Variants in KDM4B observed in about 807,000 individuals in gnomAD.
KDM4B encodes the protein lysine-specific demethylase 4B.
KDM4B carries 32 observed loss-of-function variants against 125.2 expected under a neutral mutation model. The ratio of observed to expected loss-of-function variants is 0.26; its 90% CI spans 0.19 to 0.34. The LOEUF is 0.34. Ranked by LOEUF, KDM4B falls within the 10% of genes least tolerant of loss-of-function variation. KDM4B has a pLI of 1.00. For synonymous variants in KDM4B, 721 were observed against 677.9 expected (o/e 1.06, Z -0.99); for missense variants, 1,190 against 1,577.7 (o/e 0.75, Z 4.16).
intron 1 of KDM4B, among the ~76,000 whole-genome samples, chr19:4,990,676 G>T (rs764813522): frequency 6.6e-6 from 1 of 152,164 alleles, no homozygotes; most frequent in Non-Finnish European, 1.5e-5. Context: ...AGTTCTGGTC[G>T]CCTCTCCGGC....
At chr19:4,980,021 C>T (rs2034580762) in intron 1 of KDM4B, among the ~76,000 whole-genome samples, 1 of 152,106 alleles carries the variant, frequency 6.6e-6, no homozygotes, top group Non-Finnish European at 1.5e-5. Flanking sequence ...ATGAGAATCG[C>T]TTGAACCCAG....
In KDM4B at chr19:5,001,665, A is replaced by ATTT. The variant is rs1568217932; in HGVS notation, c.-108-14591_-108-14590insTTT. ...TTGTTAGCTTTTATGCTAAACACCC[A>ATTT]TGTAAGTCCTGTTCCGCCAGCTGTG... On this transcript the variant is annotated intron_variant, in intron 1 of 22. Coordinates refer to ENST00000159111, the MANE Select transcript of KDM4B (RefSeq NM_015015.3). 7.6e-3 allele frequency among the ~76,000 whole-genome samples: 1,163 copies of ATTT among 152,264 alleles called. 12 individuals are homozygous for ATTT. Among genetic ancestry groups the ATTT allele is most frequent in the African/African-American group, 0.027 (1,118 of 41,558 alleles).
rs2034240150 is a variant in KDM4B at position 4,971,036 on chromosome 19, T to C, written c.-109+1806T>C. Among the ~76,000 whole-genome samples the C allele has an allele frequency of 6.6e-6, 1 of 152,138 alleles. No homozygotes were observed. The highest frequency in any genetic ancestry group is 6.5e-5 in the Admixed American group (1 of 15,270). ...ACGGGTGTCTGTGTACAGGCTGTTT[T>C]GGTGGAAGCGTCTACTGTGTCAGGA... On this transcript the variant is annotated intron_variant, in intron 1 of 22. Transcript: ENST00000159111. The surrounding 1 kb of genome is among the most constrained non-coding windows in gnomAD (Gnocchi z 4.1).
chr19:5,129,261 G>A (rs1265497404), intron 11 of KDM4B, among the ~76,000 whole-genome samples: 1 of 152,154 alleles, frequency 6.6e-6, no homozygotes, highest in Non-Finnish European at 1.5e-5. Flanking sequence ...GAGTGTGTGG[G>A]GCAGTGTGGC....
At chr19:5,032,488 C>G (rs73921831) in intron 2 of KDM4B, among the ~76,000 whole-genome samples, 6,419 of 152,310 alleles carry the variant, frequency 0.042, 463 homozygotes, top group African/African-American at 0.15. Flanking sequence ...GCCGCGGTCT[C>G]TCGTGCGGAT....
chr19:5,088,936 T>C (rs2038599218), intron 9 of KDM4B, among the ~76,000 whole-genome samples: 1 of 152,048 alleles, frequency 6.6e-6, no homozygotes, highest in Non-Finnish European at 1.5e-5. Context: ...GACACCCCGC[T>C]CAGTGAGAGA....
intron 9 of KDM4B, among the ~76,000 whole-genome samples, chr19:5,093,512 A>G (rs560905128): frequency 4.8e-4 from 73 of 152,312 alleles, no homozygotes; most frequent in African/African-American, 1.6e-3. Context: ...TAGGTTTCCT[A>G]ATGAACTGGT....
At chr19:5,108,491 G>A (rs1860893248) in intron 9 of KDM4B, among the ~76,000 whole-genome samples, 2 of 152,168 alleles carry the variant, frequency 1.3e-5, no homozygotes, top group South Asian at 4.1e-4. Flanking sequence ...AAGGTGGGGG[G>A]AGGCACGAGC....
At position 5,085,633 on chromosome 19, in the gene KDM4B, A is replaced by C. The variant is rs554202227; in HGVS notation, c.918+3129A>C. On this transcript the variant is annotated intron_variant, in intron 9 of 22. Transcript: ENST00000159111. Reference sequence around the variant, plus strand: ...GCGCTCGAAACACACCAGGGGTTCCAGGCAGGCGCCCAGGGCCTGGGCTTC... The same window carrying C: ...GCGCTCGAAACACACCAGGGGTTCCCGGCAGGCGCCCAGGGCCTGGGCTTC... Among the ~76,000 whole-genome samples the C allele has an allele frequency of 7.9e-5, 12 of 152,358 alleles. 1 individual carries two copies. Among genetic ancestry groups the C allele is most frequent in the Admixed American group, 2.0e-4 (3 of 15,302 alleles).
At chr19:5,038,163 C>T (rs140310128) in intron 3 of KDM4B, among the ~76,000 whole-genome samples, 90 of 152,352 alleles carry the variant, frequency 5.9e-4, no homozygotes, top group East Asian at 3.1e-3. Context: ...GTGGGTGGCC[C>T]GGTCGACTCC....
At chr19:5,102,070 A>T (rs914398604) in intron 9 of KDM4B, among the ~76,000 whole-genome samples, 5 of 151,688 alleles carry the variant, frequency 3.3e-5, no homozygotes, top group African/African-American at 1.2e-4. Context: ...GAGCACCCCC[A>T]CCCTTGTTTC....
chr19:5,021,951 G>C (rs1225641272), intron 2 of KDM4B, among the ~76,000 whole-genome samples: 1 of 152,112 alleles, frequency 6.6e-6, no homozygotes, highest in Non-Finnish European at 1.5e-5. Context: ...TAATTTAAGA[G>C]ACTTGGCACG....
intron 1 of KDM4B, among the ~76,000 whole-genome samples, chr19:4,978,029 G>T (rs1052939817): frequency 6.6e-6 from 1 of 152,210 alleles, no homozygotes; most frequent in African/African-American, 2.4e-5. Flanking sequence ...CGGGCCTCCT[G>T]TCTTGCAGTC....
At chr19:5,032,823 A>G (rs1599459627) in intron 2 of KDM4B, 43 bp from the exon 3 acceptor site, 4 of 1,565,650 alleles carry the variant, frequency 2.6e-6, no homozygotes, top group East Asian at 2.3e-5. Flanking sequence ...AGGGCTGGGC[A>G]TGGCGGCACC....
At position 5,004,477 on chromosome 19, in the gene KDM4B, G is replaced by A. The variant is rs535950032; in HGVS notation, c.-108-11780G>A. ...CCACGATCCAGAGACGGATCGTCAG[G>A]CCCACCCCAGCCCGGCAGCTTCCTA... On this transcript the variant is annotated intron_variant, in intron 1 of 22. Transcript: ENST00000159111. Among the ~76,000 whole-genome samples the A allele has an allele frequency of 5.9e-4, 89 of 152,106 alleles. 1 individual carries two copies. The highest frequency in any genetic ancestry group is 1.1e-3 in the Non-Finnish European group (73 of 68,002).
chr19:5,048,361 T>C (rs1332725238), intron 6 of KDM4B, among the ~76,000 whole-genome samples: 2 of 152,214 alleles, frequency 1.3e-5, no homozygotes, highest in Admixed American at 1.3e-4. Flanking sequence ...CATGCGTGTG[T>C]GTGCCCCTGT....
chr19:5,128,783 C>T (rs945632993), intron 11 of KDM4B, among the ~76,000 whole-genome samples: 14 of 147,424 alleles, frequency 9.5e-5, no homozygotes, highest in African/African-American at 2.7e-4. Flanking sequence ...CCCACGCCAG[C>T]CTGTCTGCTG....
intron 9 of KDM4B, among the ~76,000 whole-genome samples, chr19:5,095,848 C>T (rs1349645605): frequency 2.6e-5 from 4 of 152,214 alleles, no homozygotes; most frequent in East Asian, 1.9e-4. Context: ...CACTTATGTG[C>T]GAGCATGTCG....
At chr19:5,028,399 G>A (rs1348678000) in intron 2 of KDM4B, among the ~76,000 whole-genome samples, 4 of 152,218 alleles carry the variant, frequency 2.6e-5, no homozygotes, top group Admixed American at 1.3e-4. Flanking sequence ...TGTGGCGCCT[G>A]TGTCAGAGCC....
Sources: gnomAD v4.1 joint callset for allele counts (sites outside exome capture counted in the v4.1 genomes callset) on GRCh38, gnomAD v4.1.1 for gene constraint, Gnocchi (gnomAD v3.1) non-coding constraint, MANE v1.5 for transcripts, NCBI Gene and HGNC (gene_info 2026-07-23, HGNC 2026-07-21) for gene names.